PRKD1: variants seen among roughly 807,000 people sequenced by gnomAD.
PRKD1 encodes the protein protein kinase D1.
Under a neutral mutation model 95.9 loss-of-function variants are expected in PRKD1, and 63 were observed. The observed-to-expected ratio is 0.66, with a 90% CI of 0.54 to 0.81. The LOEUF is 0.81. PRKD1 is among the 30% of genes least tolerant of loss of function. PRKD1 has a pLI of 0.00. For missense variants in PRKD1, 1,048 were observed against 1,165.3 expected (o/e 0.90, Z 1.47); for synonymous variants, 425 against 423.1 (o/e 1.00, Z -0.05).
chr14:29,737,336 A>AAAAAT (rs1886776931), intron 1 of PRKD1, among the ~76,000 whole-genome samples: 1 of 124,004 alleles, frequency 8.1e-6, no homozygotes, highest in Non-Finnish European at 1.7e-5. Flanking sequence ...CTCAAAAAAA[A>AAAAAT]AAAAAAAAAA....
chr14:29,842,414 A>G (rs1250501492), intron 1 of PRKD1, among the ~76,000 whole-genome samples: 1 of 152,252 alleles, frequency 6.6e-6, no homozygotes, highest in Non-Finnish European at 1.5e-5. Flanking sequence ...CTATATCATT[A>G]AGATAGTTAT....
intron 1 of PRKD1, among the ~76,000 whole-genome samples, chr14:29,871,031 G>A (rs1055236435): frequency 1.3e-5 from 2 of 152,256 alleles, no homozygotes; most frequent in Admixed American, 6.5e-5. Context: ...TCATACTAAT[G>A]CACCTTTTCA....
intron 1 of PRKD1, among the ~76,000 whole-genome samples, chr14:29,897,221 A>C (rs2139423765): frequency 6.6e-6 from 1 of 152,248 alleles, no homozygotes; most frequent in Admixed American, 6.5e-5. Flanking sequence ...TCCACATTTT[A>C]ATCTGCAAAA....
intron 1 of PRKD1, among the ~76,000 whole-genome samples, chr14:29,770,926 T>A: frequency 2.2e-5 from 2 of 91,460 alleles, no homozygotes; most frequent in African/African-American, 5.2e-5. Flanking sequence ...AGTGAGACAC[T>A]GTCCAAAAAA....
chr14:29,817,460 G>C (rs1320651617), intron 1 of PRKD1, among the ~76,000 whole-genome samples: 1 of 152,098 alleles, frequency 6.6e-6, no homozygotes, highest in African/African-American at 2.4e-5. Context: ...GAAAAATGAA[G>C]ACTATAATAA....
At position 29,641,898 on chromosome 14, in the gene PRKD1, CTTTTTTTTTT is replaced by C. The variant is rs751584936; in HGVS notation, c.697-3004_697-2995del. ...TGCCATCATCCCTTTAAAAATATTT[CTTTTTTTTTT>C]TTTTTTTTTTTTGAGATGGAGTTTC... On this transcript the variant is annotated intron_variant, in intron 4 of 17. Coordinates refer to ENST00000331968, the MANE Select transcript of PRKD1 (RefSeq NM_002742.3). Among the ~76,000 whole-genome samples, 758 of 116,692 alleles carry C rather than the reference CTTTTTTTTTT, an allele frequency of 6.5e-3. 7 individuals carry two copies. The highest frequency in any genetic ancestry group is 0.024 in the African/African-American group (717 of 30,190). The allele number at this position is 116,692 out of a possible 152,430, so 76.6% of individuals were successfully genotyped here. A position where few individuals can be genotyped will look rare whatever the true frequency, so the allele number is the denominator to read the frequency against.
intron 1 of PRKD1, among the ~76,000 whole-genome samples, chr14:29,878,783 T>C (rs1391081310): frequency 6.6e-6 from 1 of 152,150 alleles, no homozygotes; most frequent in Non-Finnish European, 1.5e-5. Flanking sequence ...TATTGCTTAA[T>C]AGGTACACAA....
intron 1 of PRKD1, among the ~76,000 whole-genome samples, chr14:29,769,707 C>A (rs1468289676): frequency 6.6e-6 from 1 of 152,118 alleles, no homozygotes; most frequent in Non-Finnish European, 1.5e-5. Flanking sequence ...AACTATATAC[C>A]ACATACACAT....
At chr14:29,654,824 T>C (rs527320885) in intron 4 of PRKD1, among the ~76,000 whole-genome samples, 1 of 152,348 alleles carries the variant, frequency 6.6e-6, no homozygotes, top group Admixed American at 6.5e-5. Context: ...CTTGCACAAC[T>C]GTCACTAAAA....
intron 1 of PRKD1, among the ~76,000 whole-genome samples, chr14:29,804,209 T>G (rs1192511204): frequency 1.4e-5 from 2 of 147,780 alleles, no homozygotes; most frequent in African/African-American, 5.0e-5. Flanking sequence ...GCCATTATAC[T>G]CCAGTATGGG....
At chr14:29,813,158 A>AAAAT (rs762139164) in intron 1 of PRKD1, among the ~76,000 whole-genome samples, 1 of 152,180 alleles carries the variant, frequency 6.6e-6, no homozygotes, top group Non-Finnish European at 1.5e-5. Flanking sequence ...AGATAAAATG[A>AAAAT]AAATATGCAT....
intron 1 of PRKD1, among the ~76,000 whole-genome samples, chr14:29,837,945 G>C (rs1891675098): frequency 6.6e-6 from 1 of 152,134 alleles, no homozygotes; most frequent in Non-Finnish European, 1.5e-5. Context: ...AAACATTCTT[G>C]ATTAGTCAAT....
At chr14:29,671,888 T>C (rs891520087) in intron 2 of PRKD1, among the ~76,000 whole-genome samples, 7 of 152,148 alleles carry the variant, frequency 4.6e-5, no homozygotes, top group African/African-American at 1.7e-4. Context: ...CTACTTGATA[T>C]CAAAATATTC....
chr14:29,815,994 C>T (rs10141678), intron 1 of PRKD1, among the ~76,000 whole-genome samples: 6,579 of 152,044 alleles, frequency 0.043, 344 homozygotes, highest in African/African-American at 0.12. Context: ...CCGAGGTGGG[C>T]GGATCACAAA....
At chr14:29,912,316 C>T (rs76413791) in intron 1 of PRKD1, among the ~76,000 whole-genome samples, 1 of 151,384 alleles carries the variant, frequency 6.6e-6, no homozygotes, top group Admixed American at 6.6e-5. Flanking sequence ...CAAAAAAAAA[C>T]AATTATTTAA....
chr14:29,694,178 T>C (rs1884392896), intron 2 of PRKD1, among the ~76,000 whole-genome samples: 1 of 152,180 alleles, frequency 6.6e-6, no homozygotes, highest in Admixed American at 6.5e-5. Flanking sequence ...GTTAAAAATA[T>C]GGTGCCCAGA....
At chr14:29,831,931 C>CAT (rs1891428826) in intron 1 of PRKD1, among the ~76,000 whole-genome samples, 1 of 152,138 alleles carries the variant, frequency 6.6e-6, no homozygotes. Context: ...CATGTTAATA[C>CAT]ATGTATGTAC....
At chr14:29,630,536 T>C in intron 10 of PRKD1, 1 of 607,354 alleles carries the variant, frequency 1.6e-6, no homozygotes, top group Non-Finnish European at 2.8e-6. Context: ...ATAAAATAGC[T>C]ATAATAAAAT....
intron 1 of PRKD1, among the ~76,000 whole-genome samples, chr14:29,795,788 C>CA (rs1302865483): frequency 6.6e-6 from 1 of 151,932 alleles, no homozygotes; most frequent in Non-Finnish European, 1.5e-5. Context: ...TTTTCATGCC[C>CA]AAAAATATAA....
Sources: allele counts gnomAD v4.1 joint callset (sites outside exome capture counted in the v4.1 genomes callset), GRCh38; gene constraint gnomAD v4.1.1; transcripts MANE v1.5; gene names NCBI Gene and HGNC (gene_info 2026-07-23, HGNC 2026-07-21).